The following PTPRG variants were observed in gnomAD, a reference collection of about 807,000 sequenced individuals.
The protein encoded by PTPRG is receptor-type tyrosine-protein phosphatase gamma.
A neutral mutation model predicts 165.3 loss-of-function variants in PTPRG; 102 were observed. That is an observed-to-expected ratio of 0.62 (90% CI 0.53 to 0.73). The LOEUF is 0.73. PTPRG is among the 30% of genes least tolerant of loss of function. The probability of loss-of-function intolerance (pLI) is 0.00; values close to 1 mark genes in which losing one functional copy is unlikely to be tolerated. For missense variants in PTPRG, 1,866 were observed against 1,861.4 expected, an observed-to-expected ratio of 1.00 and a Z score of -0.05; for synonymous variants, 675 against 669.5, an observed-to-expected ratio of 1.01 and a Z score of -0.13.
intron 5 of PTPRG, among the ~76,000 whole-genome samples, chr3:62,080,062 A>ATTTTTTTT (rs759641101): frequency 7.8e-6 from 1 of 128,850 alleles, no homozygotes; most frequent in Non-Finnish European, 1.7e-5. Flanking sequence ...CCTTCGGTTC[A>ATTTTTTTT]TTTTTTTTTT....
intron 5 of PTPRG, among the ~76,000 whole-genome samples, chr3:62,127,189 G>A (rs578104504): frequency 6.6e-6 from 1 of 152,178 alleles, no homozygotes; most frequent in Admixed American, 6.5e-5. Context: ...CTCTTTCTGG[G>A]TAAGGGCTAA....
chr3:61,621,055 G>A lies in PTPRG; in HGVS notation c.85+58683G>A, dbSNP rs567201912. Among the ~76,000 whole-genome samples, 595 of 107,732 alleles carry A rather than the reference G, an allele frequency of 5.5e-3. 7 individuals carry two copies. The highest frequency in any genetic ancestry group is 0.019 in the African/African-American group (538 of 28,062). 70.7% of individuals were successfully genotyped at this position (107,732 alleles called of 152,430 possible). A position where few individuals can be genotyped will look rare whatever the true frequency, so the allele number is the denominator to read the frequency against. On this transcript the variant is annotated intron_variant, in intron 1 of 29. Coordinates refer to ENST00000474889, the MANE Select transcript of PTPRG (RefSeq NM_002841.4). ...TGTGTATATATATATATATATATGT[G>A]TGTGTGTGTGTGTGTGTGTGTGTAT...
rs1702985376 is a variant in PTPRG at position 62,294,011 on chromosome 3, A to G, written c.*704A>G. The G allele has an allele frequency of 1.3e-5, 2 of 152,588 alleles. No individual in the cohort carries two copies. The allele number at this position is 152,588 out of a possible 1,614,324, so 9.5% of individuals were successfully genotyped here. ...AAAATAAAGGATAACTCTGTATTAC[A>G]GCTTTCACAGTAGCTATGTGGACAA... On this transcript the variant is annotated 3_prime_UTR_variant, in exon 30 of 30. Coordinates refer to ENST00000474889, the MANE Select transcript of PTPRG (RefSeq NM_002841.4).
intron 1 of PTPRG, among the ~76,000 whole-genome samples, chr3:61,711,499 A>G (rs771502217): frequency 6.6e-6 from 1 of 152,156 alleles, no homozygotes; most frequent in East Asian, 1.9e-4. Flanking sequence ...TGTGGTTTTG[A>G]TTTGCATTTC....
intron 1 of PTPRG, among the ~76,000 whole-genome samples, chr3:61,624,006 T>A (rs924268862): frequency 3.3e-5 from 5 of 152,120 alleles, no homozygotes; most frequent in African/African-American, 1.2e-4. Flanking sequence ...AGGTGCTCAG[T>A]TTACCTGAAA....
chr3:61,577,979 G>T (rs1700203910), intron 1 of PTPRG, among the ~76,000 whole-genome samples: 1 of 152,344 alleles, frequency 6.6e-6, no homozygotes, highest in Admixed American at 6.5e-5. Context: ...TGCTCTGTGA[G>T]GTTGTTGGAG....
rs1397314871 is a variant in PTPRG, at chr3:62,168,108, G to C, written c.978G>C (p.Trp326Cys). ...VVSKSAVRDSWNHDMTDFLEN... is the reference protein window; with the variant it reads ...VVSKSAVRDSCNHDMTDFLEN... ...CCAAGTCCGCCGTCCGTGACTCCTG[G>C]AACCACGACATGACAGACTTCTTAG... Residue 326 changes from tryptophan (W) to cysteine (C), a missense_variant, in exon 8 of 30, where the codon TGG (tryptophan) becomes TGC (cysteine). Trp to Cys is a radical substitution (Grantham distance 215, BLOSUM62 -2). Around this residue, in one of 3 missense-constraint regions of PTPRG, gnomAD observed 1,452 missense variants for 1,463.0 expected, o/e 0.99. Coordinates refer to ENST00000474889, the MANE Select transcript of PTPRG (RefSeq NM_002841.4). The C allele has an allele frequency of 6.2e-7, 1 of 1,613,928 alleles. No individual in the cohort carries two copies. The highest frequency in any genetic ancestry group is 1.7e-5 in the Admixed American group (1 of 59,986).
chr3:61,670,306 C>A (rs1575577698), intron 1 of PTPRG, among the ~76,000 whole-genome samples: 1 of 152,128 alleles, frequency 6.6e-6, no homozygotes. Context: ...TGTGTTAATT[C>A]TTTCAGGCCA....
At chr3:61,859,966 C>T (rs1303738725) in intron 2 of PTPRG, among the ~76,000 whole-genome samples, 2 of 152,160 alleles carry the variant, frequency 1.3e-5, no homozygotes, top group East Asian at 1.9e-4. Flanking sequence ...AGCAACTGCT[C>T]TTGTGACATC....
At chr3:62,090,497 T>C (rs1448485481) in intron 5 of PTPRG, among the ~76,000 whole-genome samples, 5 of 152,196 alleles carry the variant, frequency 3.3e-5, no homozygotes, top group Non-Finnish European at 7.3e-5. Context: ...CCCGCTGCCC[T>C]TTTTAATGGC....
chr3:61,670,958 AG>A (rs1391285066), intron 1 of PTPRG, among the ~76,000 whole-genome samples: 1 of 152,060 alleles, frequency 6.6e-6, no homozygotes, highest in Non-Finnish European at 1.5e-5. Flanking sequence ...CGATCAGGTT[AG>A]GTGAGGCCAT....
At chr3:61,830,150 G>C (rs1293316459) in intron 2 of PTPRG, among the ~76,000 whole-genome samples, 3 of 152,152 alleles carry the variant, frequency 2.0e-5, no homozygotes, top group African/African-American at 4.8e-5. Flanking sequence ...TTAAAAGCCA[G>C]CTCTGAGAAT....
chr3:61,615,505 G>T (rs1701276525), intron 1 of PTPRG, among the ~76,000 whole-genome samples: 1 of 152,206 alleles, frequency 6.6e-6, no homozygotes, highest in Non-Finnish European at 1.5e-5. Flanking sequence ...TGCTGGTGGT[G>T]TTAACTTTGA....
intron 4 of PTPRG, among the ~76,000 whole-genome samples, chr3:62,019,359 C>T (rs1037525513): frequency 1.3e-5 from 2 of 151,724 alleles, no homozygotes; most frequent in Non-Finnish European, 2.9e-5. Flanking sequence ...CCATCTCTAC[C>T]AAAAATACAA....
chr3:62,175,604 T>TA (rs1261733384), intron 8 of PTPRG, among the ~76,000 whole-genome samples: 10 of 152,174 alleles, frequency 6.6e-5, no homozygotes. Flanking sequence ...CCATCTACTA[T>TA]AAAAAAGTTC....
At chr3:62,092,085 CA>C (rs1701953399) in intron 5 of PTPRG, among the ~76,000 whole-genome samples, 1 of 52,546 alleles carries the variant, frequency 1.9e-5, no homozygotes, top group South Asian at 6.2e-4. Context: ...CACACACACA[CA>C]CACACACACA....
At chr3:62,116,118 A>C (rs1207920449) in intron 5 of PTPRG, among the ~76,000 whole-genome samples, 2 of 152,186 alleles carry the variant, frequency 1.3e-5, no homozygotes, top group Non-Finnish European at 2.9e-5. Context: ...TTACTTGCCC[A>C]AAGTCAACCA....
intron 2 of PTPRG, among the ~76,000 whole-genome samples, chr3:61,800,705 A>G (rs1206904218): frequency 6.6e-6 from 1 of 150,556 alleles, no homozygotes; most frequent in Non-Finnish European, 1.5e-5. Context: ...GTGCAGTGGC[A>G]TGATCTCGGC....
chr3:62,082,620 A>T (rs1443661149), intron 5 of PTPRG, among the ~76,000 whole-genome samples: 1 of 152,212 alleles, frequency 6.6e-6, no homozygotes, highest in African/African-American at 2.4e-5. Context: ...GTTCACATCA[A>T]CGTGATCTTA....
Sources: allele counts gnomAD v4.1 joint callset (sites outside exome capture counted in the v4.1 genomes callset), GRCh38; gene constraint gnomAD v4.1.1; regional missense constraint gnomAD v4.1.1; transcripts MANE v1.5; gene names NCBI Gene and HGNC (gene_info 2026-07-23, HGNC 2026-07-21).